The following FBXL17 variants were observed in gnomAD, a reference collection of about 807,000 sequenced individuals.
FBXL17 encodes the protein F-box/LRR-repeat protein 17.
In FBXL17, 22 loss-of-function variants were observed where a neutral mutation model predicts 66.2. That is an observed-to-expected ratio of 0.33 (90% CI 0.24 to 0.47). The LOEUF (loss-of-function observed/expected upper bound fraction) is 0.47, where lower values mean the gene tolerates loss of function less well. FBXL17 is among the 20% of genes least tolerant of loss of function. FBXL17 has a pLI of 1.00. For missense variants in FBXL17, 878 were observed against 948.2 expected (o/e 0.93, Z 0.97); for synonymous variants, 474 against 400.5 (o/e 1.18, Z -2.19).
intron 6 of FBXL17, among the ~76,000 whole-genome samples, chr5:108,037,960 C>G (rs1262247172): frequency 6.6e-6 from 1 of 152,026 alleles, no homozygotes; most frequent in African/African-American, 2.4e-5. Context: ...TATCAATTTA[C>G]AAGAAATGTA....
At chr5:107,949,367 T>C (rs141082975) in intron 7 of FBXL17, among the ~76,000 whole-genome samples, 278 of 152,278 alleles carry the variant, frequency 1.8e-3, no homozygotes, top group African/African-American at 5.7e-3. Flanking sequence ...AAGAATGTTA[T>C]ATATGAAAGT....
intron 6 of FBXL17, among the ~76,000 whole-genome samples, chr5:108,043,530 T>A (rs546565261): frequency 6.6e-5 from 10 of 152,304 alleles, no homozygotes; most frequent in Admixed American, 4.6e-4. Context: ...CAAACTCACA[T>A]AAGCATATTT....
At chr5:107,880,420 C>T (rs1748749862) in intron 8 of FBXL17, 2 of 988,536 alleles carry the variant, frequency 2.0e-6, no homozygotes, top group African/African-American at 1.7e-5. Context: ...TTAAATGCTA[C>T]ACCATTTCCT....
intron 5 of FBXL17, among the ~76,000 whole-genome samples, chr5:108,207,036 T>C (rs556573386): frequency 9.8e-5 from 15 of 152,292 alleles, no homozygotes; most frequent in Non-Finnish European, 1.8e-4. Context: ...ATACCTATGA[T>C]ACAGTTTAAT....
chr5:108,240,579 C>T (rs1755812423), intron 4 of FBXL17, among the ~76,000 whole-genome samples: 1 of 152,122 alleles, frequency 6.6e-6, no homozygotes, highest in Admixed American at 6.5e-5. Flanking sequence ...TTTCTGATTC[C>T]AGTCCCTAGA....
chr5:108,133,709 A>G (rs1561426653), intron 6 of FBXL17, among the ~76,000 whole-genome samples: 1 of 152,190 alleles, frequency 6.6e-6, no homozygotes, highest in Non-Finnish European at 1.5e-5. Context: ...AAACATAAAA[A>G]AAGAAGAAAA....
chr5:108,201,900 T>C (rs1368453806), intron 5 of FBXL17, among the ~76,000 whole-genome samples: 2 of 151,752 alleles, frequency 1.3e-5, no homozygotes, highest in Non-Finnish European at 2.9e-5. Flanking sequence ...AATCTCTTTC[T>C]TGGATAAAGA....
intron 6 of FBXL17, among the ~76,000 whole-genome samples, chr5:108,065,368 A>G (rs1355324809): frequency 1.3e-5 from 2 of 152,210 alleles, no homozygotes; most frequent in Non-Finnish European, 2.9e-5. Context: ...AGGAGTTTAA[A>G]CAGCTACAAT....
chr5:108,231,056 A>G (rs1245309485), intron 4 of FBXL17, among the ~76,000 whole-genome samples: 1 of 152,186 alleles, frequency 6.6e-6, no homozygotes, highest in Non-Finnish European at 1.5e-5. Flanking sequence ...TTTGAGAAAT[A>G]CTGCTCAAGT....
At chr5:108,349,105 C>T (rs1747479658) in intron 3 of FBXL17, among the ~76,000 whole-genome samples, 1 of 152,120 alleles carries the variant, frequency 6.6e-6, no homozygotes, top group Admixed American at 6.5e-5. Flanking sequence ...TGCACCCAGC[C>T]TCTCTTGAGT....
intron 6 of FBXL17, among the ~76,000 whole-genome samples, chr5:108,160,712 A>G (rs1752178076): frequency 6.6e-6 from 1 of 152,180 alleles, no homozygotes. Flanking sequence ...GCTATTATTT[A>G]AGACAGTTAG....
chr5:107,917,633 A>T (rs1430000724), intron 7 of FBXL17, among the ~76,000 whole-genome samples: 1 of 152,234 alleles, frequency 6.6e-6, no homozygotes, highest in Non-Finnish European at 1.5e-5. Context: ...CTGATATGCA[A>T]AATTGTATGA....
chr5:108,115,736 C>T (rs1490557027), intron 6 of FBXL17, among the ~76,000 whole-genome samples: 1 of 152,002 alleles, frequency 6.6e-6, no homozygotes, highest in Non-Finnish European at 1.5e-5. Flanking sequence ...CACATATACA[C>T]ACCATGTCAG....
At chr5:107,921,594 C>T (rs1750322582) in intron 7 of FBXL17, among the ~76,000 whole-genome samples, 1 of 152,170 alleles carries the variant, frequency 6.6e-6, no homozygotes, top group African/African-American at 2.4e-5. Flanking sequence ...TTCTTACTTA[C>T]TGTTAAACCA....
chr5:108,132,218 C>T (rs903035018), intron 6 of FBXL17, among the ~76,000 whole-genome samples: 1 of 152,172 alleles, frequency 6.6e-6, no homozygotes, highest in East Asian at 1.9e-4. Context: ...TCAGGTAATC[C>T]GCCCGCATCA....
chr5:107,952,202 C>T (rs1561336167), intron 7 of FBXL17, among the ~76,000 whole-genome samples: 1 of 152,138 alleles, frequency 6.6e-6, no homozygotes, highest in East Asian at 1.9e-4. Flanking sequence ...GATGGCTCCT[C>T]TCTTTCAAAT....
intron 6 of FBXL17, among the ~76,000 whole-genome samples, chr5:108,105,236 T>C (rs1749752192): frequency 6.6e-6 from 1 of 152,142 alleles, no homozygotes; most frequent in South Asian, 2.1e-4. Flanking sequence ...GAAGGCTTCT[T>C]GGAGAAGGCG....
intron 7 of FBXL17, among the ~76,000 whole-genome samples, chr5:107,974,048 T>A (rs949486526): frequency 6.6e-6 from 1 of 152,162 alleles, no homozygotes; most frequent in Non-Finnish European, 1.5e-5. Flanking sequence ...AGATTTGCTA[T>A]TTGCAAGGCA....
At chr5:107,980,121 T>C (rs1580278868) in intron 7 of FBXL17, among the ~76,000 whole-genome samples, 1 of 152,098 alleles carries the variant, frequency 6.6e-6, no homozygotes, top group South Asian at 2.1e-4. Context: ...AACTGCATTA[T>C]CAGAAATTTT....
Sources: allele counts gnomAD v4.1 joint callset (sites outside exome capture counted in the v4.1 genomes callset), GRCh38; gene constraint gnomAD v4.1.1; transcripts MANE v1.5; gene names NCBI Gene and HGNC (gene_info 2026-07-23, HGNC 2026-07-21).